TANC2: variants seen among roughly 807,000 people sequenced by gnomAD.
The protein encoded by TANC2 is protein TANC2.
TANC2 carries 26 observed loss-of-function variants against 210.5 expected under a neutral mutation model. That is an observed-to-expected ratio of 0.12 (90% CI 0.09 to 0.17). TANC2 has a LOEUF of 0.17. Among genes scored for constraint, TANC2 ranks in the 10% least tolerant of loss-of-function variants. The pLI, the probability that TANC2 is intolerant of heterozygous loss-of-function variation, is 1.00. For missense variants in TANC2, 2,129 were observed against 2,608.9 expected, an observed-to-expected ratio of 0.82 and a Z score of 4.01; for synonymous variants, 931 against 967.1, an observed-to-expected ratio of 0.96 and a Z score of 0.69.
intron 6 of TANC2, among the ~76,000 whole-genome samples, chr17:63,194,435 G>A (rs1216594626): frequency 6.6e-6 from 1 of 152,180 alleles, no homozygotes; most frequent in Admixed American, 6.5e-5. Context: ...CTTTTCAAGT[G>A]CATGTGGATT....
intron 2 of TANC2, among the ~76,000 whole-genome samples, chr17:63,011,877 A>C (rs996793419): frequency 6.6e-5 from 10 of 151,558 alleles, no homozygotes; most frequent in Non-Finnish European, 1.5e-4. Flanking sequence ...TTTTTCTCTT[A>C]AGAAAGTCTT....
chr17:63,029,946 G>A (rs1293864358), intron 2 of TANC2, among the ~76,000 whole-genome samples: 1 of 152,090 alleles, frequency 6.6e-6, no homozygotes, highest in Admixed American at 6.6e-5. Context: ...CTGGTACCTA[G>A]GGTGAGTAAG....
intron 7 of TANC2, among the ~76,000 whole-genome samples, chr17:63,213,132 G>T (rs2041933150): frequency 6.6e-6 from 1 of 152,114 alleles, no homozygotes; most frequent in African/African-American, 2.4e-5. Context: ...TACCCTCTCA[G>T]ACCTTTACAA....
chr17:63,210,833 C>T (rs1256222244), intron 7 of TANC2, among the ~76,000 whole-genome samples: 3 of 152,090 alleles, frequency 2.0e-5, no homozygotes, highest in Non-Finnish European at 4.4e-5. Flanking sequence ...ATGTTTAATA[C>T]TATAGAACAT....
At chr17:63,361,332 C>T (rs956564918) in intron 14 of TANC2, among the ~76,000 whole-genome samples, 1 of 152,170 alleles carries the variant, frequency 6.6e-6, no homozygotes, top group African/African-American at 2.4e-5. Context: ...TGCTACTGGC[C>T]CAGATCCCAC....
intron 8 of TANC2, among the ~76,000 whole-genome samples, chr17:63,263,026 C>G (rs901876946): frequency 6.6e-5 from 10 of 152,070 alleles, no homozygotes; most frequent in Non-Finnish European, 1.3e-4. Context: ...ATACTTATTT[C>G]TTTATAGAAA....
rs1004710657 is a variant in TANC2, at chr17:63,178,289, C to T, written c.434-15702C>T. Among the ~76,000 whole-genome samples the T allele has an allele frequency of 5.3e-5, 8 of 151,922 alleles. 1 individual carries two copies. Among genetic ancestry groups the T allele is most frequent in the South Asian group, 4.1e-4 (2 of 4,822 alleles). On this transcript the variant is annotated intron_variant, in intron 5 of 27. Transcript: ENST00000689528. Reference sequence around the variant, plus strand: ...CGGAGCTTGCAGTGAGCCGAGATCGCGCCACTGCACTCCAGCCTGGGCGAC... The same window carrying T: ...CGGAGCTTGCAGTGAGCCGAGATCGTGCCACTGCACTCCAGCCTGGGCGAC...
exon 28 of TANC2, chr17:63,425,761 C>T (rs2058561421): frequency 6.6e-6 from 1 of 152,258 alleles, no homozygotes; most frequent in African/African-American, 2.4e-5. Context: ...TTGAACACTA[C>T]ATGCTTTGGA....
chr17:63,389,743 C>T, intron 17 of TANC2, 199 bp downstream of exon 17: 2 of 605,416 alleles, frequency 3.3e-6, no homozygotes, highest in South Asian at 3.9e-5. Context: ...AGTTCTAAAC[C>T]CTTTGAGAGG....
chr17:63,063,366 A>G (rs2036063900), intron 2 of TANC2, among the ~76,000 whole-genome samples: 1 of 152,180 alleles, frequency 6.6e-6, no homozygotes, highest in African/African-American at 2.4e-5. Flanking sequence ...AGGATGGGGC[A>G]TGATGGGCTG....
At chr17:63,417,428 C>T (rs1398733913) in intron 26 of TANC2, among the ~76,000 whole-genome samples, 1 of 152,106 alleles carries the variant, frequency 6.6e-6, no homozygotes, top group African/African-American at 2.4e-5. Context: ...TTCCCCACCC[C>T]ACCCCCCAGT....
At chr17:63,342,815 C>T (rs1455375230) in intron 12 of TANC2, among the ~76,000 whole-genome samples, 1 of 152,160 alleles carries the variant, frequency 6.6e-6, no homozygotes, top group Non-Finnish European at 1.5e-5. Context: ...TGCTTGCAGT[C>T]AGCTCTGGCA....
chr17:63,361,625 C>T (rs1161642029), intron 14 of TANC2, among the ~76,000 whole-genome samples: 1 of 152,252 alleles, frequency 6.6e-6, no homozygotes, highest in East Asian at 1.9e-4. Flanking sequence ...ACAGCCATAG[C>T]TCAGGGAGTC....
intron 10 of TANC2, among the ~76,000 whole-genome samples, chr17:63,316,391 A>G (rs974759726): frequency 2.0e-5 from 3 of 152,186 alleles, no homozygotes; most frequent in Non-Finnish European, 4.4e-5. Flanking sequence ...CAAGGACGAG[A>G]AGAGTTGCTT....
chr17:63,397,141 A>C (rs2048190092), intron 18 of TANC2, among the ~76,000 whole-genome samples: 1 of 152,018 alleles, frequency 6.6e-6, no homozygotes, highest in South Asian at 2.1e-4. Context: ...CAGGCGTGGC[A>C]GTAGGCACCT....
chr17:63,317,670 A>G (rs1249217264), intron 10 of TANC2, among the ~76,000 whole-genome samples: 1 of 152,234 alleles, frequency 6.6e-6, no homozygotes, highest in Non-Finnish European at 1.5e-5. Flanking sequence ...CTGTTAAGTA[A>G]ATAAATCCTA....
At chr17:63,332,464 C>T in intron 11 of TANC2, 3 of 405,334 alleles carry the variant, frequency 7.4e-6, no homozygotes, top group Admixed American at 2.6e-5. Context: ...AGTGAGTAAT[C>T]AGCATCTAAC....
rs370288428 is a variant in TANC2 at position 63,157,270 on chromosome 17, A to T, written c.433+5890A>T. Among the ~76,000 whole-genome samples, 18 of 152,238 alleles carry T rather than the reference A, an allele frequency of 1.2e-4. No individual in the cohort carries two copies. The East Asian group carries it at 3.5e-3, about 29-fold the overall frequency. On this transcript the variant is annotated intron_variant, in intron 5 of 27. Transcript: ENST00000689528. ...TTAGTTCAGCATGTCAAGAGACCATATTTTGGGGTATGATTTTCTGTGCCC... is the reference window on the plus strand; with the variant it reads ...TTAGTTCAGCATGTCAAGAGACCATTTTTTGGGGTATGATTTTCTGTGCCC...
At chr17:63,255,103 ATTTTT>A (rs200429170) in intron 8 of TANC2, among the ~76,000 whole-genome samples, 2,664 of 126,526 alleles carry the variant, frequency 0.021, 90 homozygotes, top group African/African-American at 0.073. Context: ...TTATTTATTT[ATTTTT>A]ATTTATTTAT....
Sources: allele counts gnomAD v4.1 joint callset (sites outside exome capture counted in the v4.1 genomes callset), GRCh38; gene constraint gnomAD v4.1.1; transcripts MANE v1.5; gene names NCBI Gene and HGNC (gene_info 2026-07-23, HGNC 2026-07-21).